Variants in SH3GL2 observed in about 807,000 individuals in gnomAD.
SH3GL2 encodes endophilin-A1.
SH3GL2 carries 24 observed loss-of-function variants against 46.0 expected under a neutral mutation model. The ratio of observed to expected loss-of-function variants is 0.52; its 90% CI spans 0.38 to 0.73. The LOEUF is 0.73. SH3GL2 is among the 30% of genes least tolerant of loss of function. SH3GL2 has a pLI of 0.00. For missense variants in SH3GL2, 413 were observed against 424.2 expected, an observed-to-expected ratio of 0.97 and a Z score of 0.23; for synonymous variants, 196 against 147.1, an observed-to-expected ratio of 1.33 and a Z score of -2.40.
At chr9:17,671,861 A>G (rs1003435733) in intron 1 of SH3GL2, among the ~76,000 whole-genome samples, 1 of 152,218 alleles carries the variant, frequency 6.6e-6, no homozygotes, top group Non-Finnish European at 1.5e-5. Context: ...TTTCCTTGAG[A>G]TAAGGACTTT....
intron 1 of SH3GL2, among the ~76,000 whole-genome samples, chr9:17,655,483 T>TAA (rs1427799443): frequency 6.6e-6 from 1 of 152,232 alleles, no homozygotes; most frequent in Non-Finnish European, 1.5e-5. Context: ...ATATGTTTTA[T>TAA]AAGATGGATT....
intron 1 of SH3GL2, among the ~76,000 whole-genome samples, chr9:17,588,399 A>G (rs558639193): frequency 6.6e-6 from 1 of 152,220 alleles, no homozygotes; most frequent in South Asian, 2.1e-4. Context: ...AAGGGAGATT[A>G]TATGATTGGA....
intron 3 of SH3GL2, among the ~76,000 whole-genome samples, chr9:17,764,707 G>A (rs1237911539): frequency 9.7e-5 from 9 of 92,340 alleles, no homozygotes; most frequent in African/African-American, 2.0e-4. Context: ...TGGGTACATG[G>A]ACAGGCCAGG....
At chr9:17,615,019 C>T (rs140711275) in intron 1 of SH3GL2, among the ~76,000 whole-genome samples, 152 of 152,290 alleles carry the variant, frequency 1.0e-3, no homozygotes, top group African/African-American at 3.3e-3. Flanking sequence ...CTAGAGTGAG[C>T]ATGTCCTCTC....
intron 1 of SH3GL2, among the ~76,000 whole-genome samples, chr9:17,621,236 T>G (rs1819131832): frequency 6.6e-6 from 1 of 152,240 alleles, no homozygotes; most frequent in South Asian, 2.1e-4. Context: ...AATGAATGTC[T>G]TTATGCATAA....
intron 2 of SH3GL2, among the ~76,000 whole-genome samples, chr9:17,760,772 G>A (rs555497585): frequency 6.6e-6 from 1 of 152,282 alleles, no homozygotes; most frequent in South Asian, 2.1e-4. Flanking sequence ...GAGAAAGACA[G>A]AGAGCACTGC....
At chr9:17,698,692 TTGTTTCTGCTTATG>T (rs1178853153) in intron 1 of SH3GL2, among the ~76,000 whole-genome samples, 2 of 152,128 alleles carry the variant, frequency 1.3e-5, no homozygotes, top group Admixed American at 6.5e-5. Flanking sequence ...TTCTCTGACT[TTGTTTCTGCTTATG>T]CAGAAGAGGT....
At chr9:17,701,094 C>T (rs915405425) in intron 1 of SH3GL2, among the ~76,000 whole-genome samples, 1 of 151,992 alleles carries the variant, frequency 6.6e-6, no homozygotes, top group Admixed American at 6.6e-5. Flanking sequence ...AAAGTGGGCC[C>T]ACAGAAGAAG....
At chr9:17,698,654 A>G (rs1014978022) in intron 1 of SH3GL2, among the ~76,000 whole-genome samples, 4 of 152,232 alleles carry the variant, frequency 2.6e-5, no homozygotes, top group Middle Eastern at 3.4e-3. Context: ...GATAGAGAAA[A>G]ATAATGCTGG....
rs542647855 is a variant in SH3GL2 at position 17,612,895 on chromosome 9, T to A, written c.45+33608T>A. Among the ~76,000 whole-genome samples the A allele has an allele frequency of 2.0e-4, 30 of 152,332 alleles. No homozygotes were observed. In the South Asian group the frequency reaches 5.4e-3, roughly 27 times the overall value. ...TATCACTAATGTACTTCTGCCTCTG[T>A]CTTTTGGATTTGTCTATTCTGGTCA... On this transcript the variant is annotated intron_variant, in intron 1 of 8. Transcript: ENST00000380607.
chr9:17,697,372 C>T (rs776265357), intron 1 of SH3GL2, among the ~76,000 whole-genome samples: 29 of 151,798 alleles, frequency 1.9e-4, no homozygotes, highest in Non-Finnish European at 3.8e-4. Context: ...TACAGGTGCA[C>T]GCCACCATGC....
At chr9:17,753,136 C>G (rs568254892) in intron 2 of SH3GL2, among the ~76,000 whole-genome samples, 4 of 152,128 alleles carry the variant, frequency 2.6e-5, no homozygotes, top group African/African-American at 9.7e-5. Flanking sequence ...GATTCCATGT[C>G]TTTGCTATTA....
intron 1 of SH3GL2, among the ~76,000 whole-genome samples, chr9:17,685,585 A>G (rs931665381): frequency 6.6e-6 from 1 of 152,056 alleles, no homozygotes; most frequent in African/African-American, 2.4e-5. Context: ...TTTTAGGTCT[A>G]ACGTTTAAGT....
chr9:17,610,991 T>C (rs1488836136), intron 1 of SH3GL2, among the ~76,000 whole-genome samples: 2 of 152,210 alleles, frequency 1.3e-5, no homozygotes, highest in Non-Finnish European at 2.9e-5. Flanking sequence ...AAAACCCTTA[T>C]TTCTTCTTAG....
intron 1 of SH3GL2, among the ~76,000 whole-genome samples, chr9:17,634,514 A>G (rs927989206): frequency 3.9e-5 from 6 of 152,176 alleles, no homozygotes; most frequent in African/African-American, 9.7e-5. Flanking sequence ...TATGCCTAGT[A>G]TAATACCTCA....
chr9:17,782,191 C>G (rs1823829057), intron 3 of SH3GL2, among the ~76,000 whole-genome samples: 1 of 152,064 alleles, frequency 6.6e-6, no homozygotes, highest in East Asian at 1.9e-4. Flanking sequence ...CCAGTGTAAC[C>G]TCCTTATTGA....
intron 1 of SH3GL2, among the ~76,000 whole-genome samples, chr9:17,683,916 A>G (rs751715348): frequency 1.3e-3 from 198 of 152,230 alleles, no homozygotes; most frequent in Non-Finnish European, 1.4e-3. Context: ...CTGACTCCTG[A>G]CTAAATTGAA....
chr9:17,623,320 C>T (rs9407819), intron 1 of SH3GL2, among the ~76,000 whole-genome samples: 30,013 of 151,580 alleles, frequency 0.2, 3,440 homozygotes, highest in Non-Finnish European at 0.26. Flanking sequence ...AGCTAGCTGG[C>T]GAGGTTCAGA....
chr9:17,650,979 T>A (rs1283971546), intron 1 of SH3GL2, among the ~76,000 whole-genome samples: 1 of 149,426 alleles, frequency 6.7e-6, no homozygotes, highest in Non-Finnish European at 1.5e-5. Context: ...TTTCTCCCCT[T>A]TTCCTTGTGT....
Sources: gnomAD v4.1 joint callset for allele counts (sites outside exome capture counted in the v4.1 genomes callset) on GRCh38, gnomAD v4.1.1 for gene constraint, MANE v1.5 for transcripts, NCBI Gene and HGNC (gene_info 2026-07-23, HGNC 2026-07-21) for gene names.